The following LHPP variants were observed in gnomAD, a reference collection of about 807,000 sequenced individuals.
LHPP encodes the protein phospholysine phosphohistidine inorganic pyrophosphate phosphatase.
In LHPP, 24 loss-of-function variants were observed where a neutral mutation model predicts 30.3. The ratio of observed to expected loss-of-function variants is 0.79; its 90% confidence interval spans 0.57 to 1.11. The LOEUF (loss-of-function observed/expected upper bound fraction) is 1.11. Among genes scored for constraint, LHPP ranks in the 50% most tolerant of loss-of-function variants. LHPP has a pLI of 0.00. For missense variants in LHPP, 356 were observed against 367.2 expected (o/e 0.97, Z 0.25); for synonymous variants, 150 against 157.1 (o/e 0.95, Z 0.34).
intron 6 of LHPP, among the ~76,000 whole-genome samples, chr10:124,538,166 C>G (rs937256294): frequency 6.6e-5 from 2 of 30,468 alleles, no homozygotes; most frequent in African/African-American, 2.0e-4. Context: ...CCACGCGAGT[C>G]TCACCATGCA....
intron 6 of LHPP, among the ~76,000 whole-genome samples, chr10:124,525,002 C>T (rs1487894715): frequency 6.6e-6 from 1 of 152,232 alleles, no homozygotes; most frequent in African/African-American, 2.4e-5. Context: ...AAGACCTAGT[C>T]CCTGATTGAC....
At chr10:124,521,572 C>T (rs979454771) in intron 6 of LHPP, among the ~76,000 whole-genome samples, 2 of 152,046 alleles carry the variant, frequency 1.3e-5, no homozygotes, top group African/African-American at 2.4e-5. Flanking sequence ...GTGGCCTTGG[C>T]GGAAATGGGA....
intron 6 of LHPP, among the ~76,000 whole-genome samples, chr10:124,568,557 C>T (rs1948531920): frequency 6.6e-6 from 1 of 152,320 alleles, no homozygotes; most frequent in Admixed American, 6.5e-5. Flanking sequence ...GGCCACTTCC[C>T]GCTTCGTGGC....
chr10:124,516,554 C>T (rs781143636), intron 5 of LHPP, among the ~76,000 whole-genome samples: 1 of 152,148 alleles, frequency 6.6e-6, no homozygotes, highest in Non-Finnish European at 1.5e-5. Flanking sequence ...CATTGTCCTT[C>T]GTTGCTTGAT....
intron 5 of LHPP, 72 bp downstream of exon 5, chr10:124,498,200 T>TAAG: frequency 7.3e-7 from 1 of 1,375,336 alleles, no homozygotes; most frequent in Admixed American, 2.1e-5. Flanking sequence ...TTGGAATGGA[T>TAAG]TACAGGACTC....
chr10:124,468,586 G>C (rs1437317968), intron 1 of LHPP, among the ~76,000 whole-genome samples: 1 of 152,108 alleles, frequency 6.6e-6, no homozygotes, highest in African/African-American at 2.4e-5. Flanking sequence ...CTTCTCAACT[G>C]ACCTTTGTGG....
chr10:124,596,215 A>G lies in LHPP; in HGVS notation c.717-17049A>G, dbSNP rs1227388060. On this transcript the variant is annotated intron_variant, in intron 6 of 6. Transcript: ENST00000368842. This position sits in a 1 kb window ranked among gnomAD's most constrained non-coding sequence, Gnocchi z 4.6. ...CCTTATGAACAGAGCTGATCAGAAC[A>G]TATCTGTCCATGGCTCTTGGTGGAC... Among the ~76,000 whole-genome samples, 1 of 151,812 alleles carries G rather than the reference A, an allele frequency of 6.6e-6. No homozygotes were observed. The highest frequency in any genetic ancestry group is 1.5e-5 in the Non-Finnish European group (1 of 67,960).
chr10:124,558,546 A>G (rs1346091497), intron 6 of LHPP, among the ~76,000 whole-genome samples: 1 of 152,214 alleles, frequency 6.6e-6, no homozygotes, highest in East Asian at 1.9e-4. Flanking sequence ...TTCAGAAGCC[A>G]GAAGGCTTCC....
intron 6 of LHPP, among the ~76,000 whole-genome samples, chr10:124,550,618 C>T (rs1251960643): frequency 6.6e-6 from 1 of 152,194 alleles, no homozygotes; most frequent in African/African-American, 2.4e-5. Flanking sequence ...CCTTCCTGTC[C>T]CTCATGTGAA....
chr10:124,506,664 T>A, intron 5 of LHPP, among the ~76,000 whole-genome samples: 1 of 124,990 alleles, frequency 8.0e-6, no homozygotes, highest in Non-Finnish European at 1.7e-5. Flanking sequence ...TAGGGAGGAT[T>A]TCAGGTTGGG....
chr10:124,472,749 A>G (rs1952823271), intron 1 of LHPP, among the ~76,000 whole-genome samples: 1 of 151,964 alleles, frequency 6.6e-6, no homozygotes, highest in African/African-American at 2.4e-5. Context: ...GTAGAGACGG[A>G]GTTTCACTAT....
At chr10:124,515,782 C>A (rs573518126) in intron 5 of LHPP, among the ~76,000 whole-genome samples, 108 of 152,338 alleles carry the variant, frequency 7.1e-4, no homozygotes, top group African/African-American at 2.4e-3. Context: ...AGTGAGCTTT[C>A]CCAGCCTGGC....
chr10:124,590,425 T>C lies in LHPP; in HGVS notation c.717-22839T>C, dbSNP rs1948867569. On this transcript the variant is annotated intron_variant, in intron 6 of 6. Transcript: ENST00000368842. This position sits in a 1 kb window ranked among gnomAD's most constrained non-coding sequence, Gnocchi z 4.3. The stretch of plus-strand genomic sequence containing the variant: ...AAGACTTCTGACCCAGAATTCTGAG[T>C]TGAGTTCCGACGCAGGCGTGGGCGA... Among the ~76,000 whole-genome samples the C allele has an allele frequency of 6.6e-6, 1 of 152,090 alleles. No homozygotes were observed. The highest frequency in any genetic ancestry group is 6.5e-5 in the Admixed American group (1 of 15,278).
chr10:124,554,016 C>G (rs140238288), intron 6 of LHPP: 1 of 985,300 alleles, frequency 1.0e-6, no homozygotes, highest in Non-Finnish European at 1.2e-6. Flanking sequence ...GAGTCTTCTT[C>G]GAGAGACTCC....
Position 124,517,548 on chromosome 10 carries a change from G to A in LHPP, c.716+277G>A, listed in dbSNP as rs75531587. On this transcript the variant is annotated intron_variant, in intron 6 of 6. Coordinates refer to ENST00000368842, the MANE Select transcript of LHPP (RefSeq NM_022126.4). The surrounding 1 kb of genome is among the most constrained non-coding windows in gnomAD (Gnocchi z 4.1). ...AAGCAAAGGCACTATCCATCCTGGC[G>A]GCGGCCCACCAGGGAGTTGGGCCGA... Among the ~76,000 whole-genome samples, 1,855 of 152,246 alleles carry A rather than the reference G, an allele frequency of 0.012. 22 individuals are homozygous for A. The highest frequency in any genetic ancestry group is 0.019 in the Non-Finnish European group (1,291 of 68,004).
chr10:124,606,947 C>T (rs1288907498), intron 6 of LHPP, among the ~76,000 whole-genome samples: 1 of 152,118 alleles, frequency 6.6e-6, no homozygotes, highest in African/African-American at 2.4e-5. Flanking sequence ...CTCGCCTGCC[C>T]TCTCTCTGCC....
At chr10:124,559,588 G>A (rs1225637128) in intron 6 of LHPP, among the ~76,000 whole-genome samples, 1 of 152,264 alleles carries the variant, frequency 6.6e-6, no homozygotes, top group Non-Finnish European at 1.5e-5. Flanking sequence ...GGCCCAGAGT[G>A]TACCTGTTGG....
intron 6 of LHPP, among the ~76,000 whole-genome samples, chr10:124,528,046 C>CGCCGCACCT (rs1954790998): frequency 6.2e-5 from 3 of 48,596 alleles, no homozygotes; most frequent in African/African-American, 1.1e-4. Flanking sequence ...TGGGATTACC[C>CGCCGCACCT]GGCTTGAGCA....
In LHPP at chr10:124,507,087, G is replaced by GA. The variant is rs377160178; in HGVS notation, c.624+8959_624+8960insA. Among the ~76,000 whole-genome samples, 3 of 21,878 alleles carry GA rather than the reference G, an allele frequency of 1.4e-4. 1 individual carries two copies. 14.4% of individuals were successfully genotyped at this position (21,878 alleles called of 152,430 possible). A position where few individuals can be genotyped will look rare whatever the true frequency, so the allele number is the denominator to read the frequency against. On this transcript the variant is annotated intron_variant, in intron 5 of 6. Coordinates refer to ENST00000368842, the MANE Select transcript of LHPP (RefSeq NM_022126.4). Reference sequence around the variant, plus strand: ...AGGGGTAGACAGGATTTCAGGTGGGGGGGTAGGGAGGATTTCAGGTGCAGG... The same window carrying GA: ...AGGGGTAGACAGGATTTCAGGTGGGGAGGGTAGGGAGGATTTCAGGTGCAGG...
Sources: gnomAD v4.1 joint callset for allele counts (sites outside exome capture counted in the v4.1 genomes callset) on GRCh38, gnomAD v4.1.1 for gene constraint, Gnocchi (gnomAD v3.1) non-coding constraint, MANE v1.5 for transcripts, NCBI Gene and HGNC (gene_info 2026-07-23, HGNC 2026-07-21) for gene names.